MIPOL1: variants seen among roughly 807,000 people sequenced by gnomAD.
The protein encoded by MIPOL1 is mirror-image polydactyly 1, also known as mirror-image polydactyly gene 1 protein.
MIPOL1 carries 57 observed loss-of-function variants against 60.9 expected under a neutral mutation model. The observed-to-expected ratio is 0.94, with a 90% CI of 0.76 to 1.17. MIPOL1 has a LOEUF of 1.17. Ranked by LOEUF, MIPOL1 falls within the 50% of genes most tolerant of loss-of-function variation. The pLI, the probability that MIPOL1 is intolerant of heterozygous loss-of-function variation, is 0.00. For synonymous variants in MIPOL1, 179 were observed against 168.8 expected, an observed-to-expected ratio of 1.06 and a Z score of -0.47; for missense variants, 551 against 511.6, an observed-to-expected ratio of 1.08 and a Z score of -0.74.
chr14:37,225,910 C>G (rs1251918290), intron 1 of MIPOL1, among the ~76,000 whole-genome samples: 1 of 152,136 alleles, frequency 6.6e-6, no homozygotes, highest in Non-Finnish European at 1.5e-5. Context: ...GAAATTTCTT[C>G]CGCCAGACAC....
chr14:37,320,103 A>G (rs1312298939), intron 9 of MIPOL1, among the ~76,000 whole-genome samples: 2 of 152,208 alleles, frequency 1.3e-5, no homozygotes, highest in South Asian at 2.1e-4. Context: ...CCTATTATGC[A>G]TGAAGTATTA....
At chr14:37,489,088 G>A (rs1010051114) in intron 11 of MIPOL1, among the ~76,000 whole-genome samples, 1 of 152,128 alleles carries the variant, frequency 6.6e-6, no homozygotes, top group African/African-American at 2.4e-5. Context: ...TCACTTTCAA[G>A]TACACCAATC....
intron 12 of MIPOL1, among the ~76,000 whole-genome samples, chr14:37,542,440 C>G (rs1319851601): frequency 1.3e-5 from 2 of 152,150 alleles, no homozygotes; most frequent in Admixed American, 6.5e-5. Context: ...GCCTACCTGT[C>G]TAGCCCCATT....
intron 10 of MIPOL1, among the ~76,000 whole-genome samples, chr14:37,422,258 A>G (rs550083471): frequency 1.3e-5 from 2 of 152,106 alleles, no homozygotes; most frequent in East Asian, 3.9e-4. Flanking sequence ...ATAAAGTATC[A>G]CTAGCATTTA....
At chr14:37,363,027 T>G (rs1321317760) in intron 9 of MIPOL1, among the ~76,000 whole-genome samples, 1 of 152,148 alleles carries the variant, frequency 6.6e-6, no homozygotes, top group Non-Finnish European at 1.5e-5. Flanking sequence ...TTTTCAAGAT[T>G]TTTAGATTCC....
chr14:37,271,500 A>C (rs1253082881), intron 6 of MIPOL1, among the ~76,000 whole-genome samples: 3 of 151,888 alleles, frequency 2.0e-5, no homozygotes, highest in Non-Finnish European at 4.4e-5. Context: ...AATAGAACTA[A>C]ACATTGCTAT....
chr14:37,470,937 C>A (rs1229832752), intron 11 of MIPOL1, among the ~76,000 whole-genome samples: 4 of 152,076 alleles, frequency 2.6e-5, no homozygotes, highest in Non-Finnish European at 4.4e-5. Context: ...ACTGGCAACT[C>A]CAAAATGAGG....
At chr14:37,266,775 T>A (rs1036422670) in intron 3 of MIPOL1, among the ~76,000 whole-genome samples, 163 bp from the exon 4 acceptor site, 7 of 152,200 alleles carry the variant, frequency 4.6e-5, no homozygotes, top group Admixed American at 1.3e-4. Context: ...TTTACCATTA[T>A]CTACAACTTA....
chr14:37,531,145 TAAG>T (rs1392760913), intron 12 of MIPOL1, among the ~76,000 whole-genome samples: 1 of 152,124 alleles, frequency 6.6e-6, no homozygotes, highest in Non-Finnish European at 1.5e-5. Flanking sequence ...TTATTTTGTT[TAAG>T]AAGGCACATG....
At chr14:37,292,504 A>G (rs919407838) in intron 7 of MIPOL1, among the ~76,000 whole-genome samples, 27 of 84,836 alleles carry the variant, frequency 3.2e-4, no homozygotes, top group Admixed American at 1.6e-3. Flanking sequence ...AAGGAGTCTT[A>G]TATCTTGCTG....
At chr14:37,266,850 G>A (rs578091153) in intron 3 of MIPOL1, 88 bp from the exon 4 acceptor site, 4 of 887,676 alleles carry the variant, frequency 4.5e-6, no homozygotes, top group South Asian at 3.2e-5. Flanking sequence ...GCTAAAGAGT[G>A]TTTCCAAAAA....
intron 12 of MIPOL1, chr14:37,546,170 G>C (rs2095546640): frequency 6.6e-6 from 1 of 152,216 alleles, no homozygotes; most frequent in Non-Finnish European, 1.5e-5. Context: ...GTGAACTTTC[G>C]ACTCTCTTTT....
chr14:37,289,772 C>G (rs1486626565), intron 7 of MIPOL1, among the ~76,000 whole-genome samples: 1 of 152,114 alleles, frequency 6.6e-6, no homozygotes, highest in Non-Finnish European at 1.5e-5. Context: ...ACTGCCAGGT[C>G]CCTCTGCAGA....
chr14:37,387,925 CTT>C (rs1240030756), intron 10 of MIPOL1, among the ~76,000 whole-genome samples: 1 of 151,570 alleles, frequency 6.6e-6, no homozygotes, highest in African/African-American at 2.4e-5. Flanking sequence ...ATAAAGGAAA[CTT>C]GAGGTAGAAA....
chr14:37,217,062 T>C (rs925485316), intron 1 of MIPOL1, among the ~76,000 whole-genome samples: 2 of 151,880 alleles, frequency 1.3e-5, no homozygotes, highest in African/African-American at 4.8e-5. Flanking sequence ...AAATCAGAAA[T>C]GAAAATGAGA....
At chr14:37,290,271 G>A (rs2084940854) in intron 7 of MIPOL1, among the ~76,000 whole-genome samples, 1 of 152,146 alleles carries the variant, frequency 6.6e-6, no homozygotes, top group Non-Finnish European at 1.5e-5. Context: ...TGTCGCCCAA[G>A]CTGGAGAACA....
intron 9 of MIPOL1, among the ~76,000 whole-genome samples, chr14:37,326,202 G>C (rs2089143937): frequency 6.6e-6 from 1 of 152,148 alleles, no homozygotes; most frequent in Admixed American, 6.6e-5. Flanking sequence ...CACTTAGCTG[G>C]CACTGTAACC....
At chr14:37,243,504 A>G (rs1296802877) in intron 1 of MIPOL1, among the ~76,000 whole-genome samples, 3 of 152,242 alleles carry the variant, frequency 2.0e-5, no homozygotes, top group Non-Finnish European at 2.9e-5. Context: ...TTCTCAAGCT[A>G]GAAAATACAA....
At chr14:37,515,896 T>C (rs768136006) in intron 12 of MIPOL1, among the ~76,000 whole-genome samples, 2 of 152,176 alleles carry the variant, frequency 1.3e-5, no homozygotes, top group Non-Finnish European at 2.9e-5. Flanking sequence ...GTGAGAAGAA[T>C]GTGGCTAAGA....
Sources: allele counts gnomAD v4.1 joint callset (sites outside exome capture counted in the v4.1 genomes callset), GRCh38; gene constraint gnomAD v4.1.1; transcripts MANE v1.5; gene names NCBI Gene and HGNC (gene_info 2026-07-23, HGNC 2026-07-21).